The following CCDC85A variants were observed in gnomAD, a reference collection of about 807,000 sequenced individuals.
CCDC85A encodes coiled-coil domain containing 85A.
In CCDC85A, 38 loss-of-function variants were observed where a neutral mutation model predicts 50.2. The observed-to-expected ratio is 0.76, with a 90% confidence interval of 0.58 to 0.99. The LOEUF (loss-of-function observed/expected upper bound fraction) is 0.99. CCDC85A is among the 50% of genes least tolerant of loss of function. The pLI, the probability that CCDC85A is intolerant of heterozygous loss-of-function variation, is 0.00. For synonymous variants in CCDC85A, 366 were observed against 301.4 expected (o/e 1.21, Z -2.22); for missense variants, 820 against 742.0 (o/e 1.11, Z -1.22).
At chr2:56,333,944 A>G (rs562481301) in intron 2 of CCDC85A, among the ~76,000 whole-genome samples, 4 of 152,318 alleles carry the variant, frequency 2.6e-5, no homozygotes, top group African/African-American at 4.8e-5. Flanking sequence ...CTCCATGACT[A>G]GATTCCAGAA....
chr2:56,218,651 A>AT (rs1193945896), intron 2 of CCDC85A, among the ~76,000 whole-genome samples: 1 of 151,824 alleles, frequency 6.6e-6, no homozygotes, highest in Non-Finnish European at 1.5e-5. Context: ...TGTCCCCCAA[A>AT]TATCCTTTAG....
chr2:56,232,816 T>C (rs181135460), intron 2 of CCDC85A, among the ~76,000 whole-genome samples: 40 of 152,296 alleles, frequency 2.6e-4, no homozygotes, highest in African/African-American at 9.1e-4. Context: ...CCATTGTTCT[T>C]GCCTGCACAA....
At chr2:56,368,715 T>A (rs1422166571) in intron 3 of CCDC85A, among the ~76,000 whole-genome samples, 1 of 152,064 alleles carries the variant, frequency 6.6e-6, no homozygotes, top group Non-Finnish European at 1.5e-5. Flanking sequence ...TACATCTGAT[T>A]TATATCAAAG....
chr2:56,268,658 G>C (rs1375120359), intron 2 of CCDC85A, among the ~76,000 whole-genome samples: 2 of 149,932 alleles, frequency 1.3e-5, no homozygotes, highest in Non-Finnish European at 3.0e-5. Flanking sequence ...AAGTAAATCA[G>C]AAAAGAAATC....
intron 2 of CCDC85A, among the ~76,000 whole-genome samples, chr2:56,333,695 C>T (rs145580400): frequency 6.6e-6 from 1 of 151,922 alleles, no homozygotes; most frequent in Admixed American, 6.6e-5. Context: ...GTTGGATTCT[C>T]AAGATATTTT....
intron 2 of CCDC85A, among the ~76,000 whole-genome samples, chr2:56,204,506 G>A (rs2103859906): frequency 6.6e-6 from 1 of 152,244 alleles, no homozygotes; most frequent in East Asian, 1.9e-4. Context: ...TTTGGGTGAG[G>A]AAGCCGGAAA....
At chr2:56,208,770 G>C in intron 2 of CCDC85A, among the ~76,000 whole-genome samples, 1 of 152,066 alleles carries the variant, frequency 6.6e-6, no homozygotes, top group East Asian at 1.9e-4. Context: ...AACATTATTA[G>C]AAGAGCTGGC....
chr2:56,293,039 G>A (rs911681098), intron 2 of CCDC85A, among the ~76,000 whole-genome samples: 1 of 152,188 alleles, frequency 6.6e-6, no homozygotes, highest in Non-Finnish European at 1.5e-5. Context: ...GCAGGGCAAT[G>A]AGTGGACCAG....
intron 2 of CCDC85A, among the ~76,000 whole-genome samples, chr2:56,284,839 C>T (rs928890000): frequency 6.6e-6 from 1 of 152,166 alleles, no homozygotes; most frequent in Non-Finnish European, 1.5e-5. Flanking sequence ...ACCTTTTAAT[C>T]ATTATGAATT....
intron 2 of CCDC85A, among the ~76,000 whole-genome samples, chr2:56,269,934 G>A (rs1670626144): frequency 6.6e-6 from 1 of 152,192 alleles, no homozygotes; most frequent in Non-Finnish European, 1.5e-5. Flanking sequence ...AGCATACATA[G>A]CTGTCGGTTG....
intron 2 of CCDC85A, among the ~76,000 whole-genome samples, chr2:56,221,099 G>T (rs913713706): frequency 1.3e-5 from 2 of 151,914 alleles, no homozygotes; most frequent in Non-Finnish European, 2.9e-5. Flanking sequence ...TCATTTCCTA[G>T]TATACCAATG....
intron 2 of CCDC85A, among the ~76,000 whole-genome samples, chr2:56,329,071 A>G (rs1673627076): frequency 6.6e-6 from 1 of 152,056 alleles, no homozygotes; most frequent in African/African-American, 2.4e-5. Flanking sequence ...TCTCCTTTCC[A>G]GGAGACAACT....
chr2:56,297,877 T>A (rs1466653337), intron 2 of CCDC85A, among the ~76,000 whole-genome samples: 1 of 152,160 alleles, frequency 6.6e-6, no homozygotes, highest in Non-Finnish European at 1.5e-5. Context: ...CACTTGGCAG[T>A]GTGTAGGGGT....
At chr2:56,266,351 C>T (rs1480335294) in intron 2 of CCDC85A, among the ~76,000 whole-genome samples, 1 of 152,138 alleles carries the variant, frequency 6.6e-6, no homozygotes, top group Admixed American at 6.6e-5. Context: ...GGGAGGATTG[C>T]TTTAGCCCAG....
Position 56,384,443 on chromosome 2 carries a change from C to G in CCDC85A, c.*88C>G. ...AAGGAAAGAGTGGGTTTCCACAAAC[C>G]TGGACTCATGGAATAACATGGAGTG... On this transcript the variant is annotated 3_prime_UTR_variant, in exon 6 of 6. Coordinates refer to ENST00000407595, the MANE Select transcript of CCDC85A (RefSeq NM_001080433.2). 3 of 1,124,298 alleles carry G rather than the reference C, an allele frequency of 2.7e-6. No individual in the cohort carries two copies. Among genetic ancestry groups the G allele is most frequent in the Non-Finnish European group, 2.7e-6 (2 of 749,048 alleles). The allele number at this position is 1,124,298 out of a possible 1,614,324, so 69.6% of individuals were successfully genotyped here. A position where few individuals can be genotyped will look rare whatever the true frequency, so the allele number is the denominator to read the frequency against.
In CCDC85A at chr2:56,375,681, G is replaced by T. The variant is rs1047045153; in HGVS notation, c.1453-135G>T. The T allele has an allele frequency of 1.7e-5, 14 of 818,076 alleles. No homozygotes were observed. The African/African-American group carries it at 2.1e-4, about 12-fold the overall frequency. The allele number at this position is 818,076 out of a possible 1,614,324, so 50.7% of individuals were successfully genotyped here. A position where few individuals can be genotyped will look rare whatever the true frequency, so the allele number is the denominator to read the frequency against. On this transcript the variant is annotated intron_variant, in intron 4 of 5. Coordinates refer to ENST00000407595, the MANE Select transcript of CCDC85A (RefSeq NM_001080433.2). ...GTGTGTTCCAATGAACAGATTGATA[G>T]CATTGTAGACTAGGTTAGGAAAAAG...
chr2:56,290,397 G>C lies in CCDC85A; in HGVS notation c.1241-52482G>C, dbSNP rs560117897. Among the ~76,000 whole-genome samples the C allele has an allele frequency of 2.5e-4, 38 of 152,140 alleles. 1 individual carries two copies. The South Asian group carries it at 7.7e-3, about 31-fold the overall frequency. ...GCTGTGGGGGTGGGAAAGAGAACAGGCTTTTTTTGCCATTTCCTGTGTTTA... is the reference window on the plus strand; with the variant it reads ...GCTGTGGGGGTGGGAAAGAGAACAGCCTTTTTTTGCCATTTCCTGTGTTTA... On this transcript the variant is annotated intron_variant, in intron 2 of 5. Transcript: ENST00000407595.
rs191954918 is a variant in CCDC85A at position 56,271,166 on chromosome 2, A to G, written c.1241-71713A>G. On this transcript the variant is annotated intron_variant, in intron 2 of 5. Transcript: ENST00000407595. The stretch of plus-strand genomic sequence containing the variant: ...GTCACTTCTCCTGTAGGATTTACTA[A>G]ACAGAAGTTATGAGGCAGGCGTCAA... Among the ~76,000 whole-genome samples the G allele has an allele frequency of 2.6e-4, 40 of 152,280 alleles. No homozygotes were observed. The East Asian group carries it at 7.3e-3, about 28-fold the overall frequency.
intron 2 of CCDC85A, among the ~76,000 whole-genome samples, chr2:56,339,179 T>G (rs1464097948): frequency 6.6e-6 from 1 of 152,178 alleles, no homozygotes; most frequent in Non-Finnish European, 1.5e-5. Flanking sequence ...AGTGACACAA[T>G]AAATATTTGT....
Sources: gnomAD v4.1 joint callset for allele counts (sites outside exome capture counted in the v4.1 genomes callset) on GRCh38, gnomAD v4.1.1 for gene constraint, MANE v1.5 for transcripts, NCBI Gene and HGNC (gene_info 2026-07-23, HGNC 2026-07-21) for gene names.